CSMD1: variants seen among roughly 807,000 people sequenced by gnomAD.
CSMD1 encodes the protein CUB and Sushi multiple domains 1.
In CSMD1, 213 loss-of-function variants were observed where a neutral mutation model predicts 417.5. The observed-to-expected ratio is 0.51, with a 90% CI of 0.46 to 0.57. The LOEUF is 0.57. Among genes scored for constraint, CSMD1 ranks in the 20% least tolerant of loss-of-function variants. CSMD1 has a pLI of 0.00. For synonymous variants in CSMD1, 2,862 were observed against 1,736.8 expected, an observed-to-expected ratio of 1.65 and a Z score of -16.11; for missense variants, 6,923 against 4,529.7, an observed-to-expected ratio of 1.53 and a Z score of -15.17.
At chr8:3,128,172 G>C (rs938919134) in intron 41 of CSMD1, 9 of 152,028 alleles carry the variant, frequency 5.9e-5, no homozygotes, top group Non-Finnish European at 1.5e-5. Context: ...CCTTTGTTTA[G>C]ATCTGAAAAA....
intron 26 of CSMD1, among the ~76,000 whole-genome samples, chr8:3,268,287 C>CTTTTTTTTTTTTTTTTTTTT (rs1172040830): frequency 3.5e-5 from 4 of 114,652 alleles, no homozygotes; most frequent in African/African-American, 6.9e-5. Flanking sequence ...GGTTCATTTC[C>CTTTTTTTTTTTTTTTTTTTT]TATTTTTTTT....
At chr8:4,453,978 C>T (rs1360965399) in intron 2 of CSMD1, among the ~76,000 whole-genome samples, 10 of 151,588 alleles carry the variant, frequency 6.6e-5, no homozygotes, top group Non-Finnish European at 1.0e-4. Flanking sequence ...CCCGCCACCG[C>T]GCCCGGCTAA....
intron 6 of CSMD1, among the ~76,000 whole-genome samples, chr8:3,709,701 T>TTTTTTTTTTTTTTTTTTTTTTTTTC (rs1801395212): frequency 7.3e-6 from 1 of 136,352 alleles, no homozygotes; most frequent in African/African-American, 2.7e-5. Flanking sequence ...TTTTTTTTTT[T>TTTTTTTTTTTTTTTTTTTTTTTTTC]TTTTTTTTCC....
chr8:4,155,710 G>A (rs113148278), intron 3 of CSMD1, among the ~76,000 whole-genome samples: 17 of 152,080 alleles, frequency 1.1e-4, no homozygotes, highest in African/African-American at 3.6e-4. Flanking sequence ...GTTCTACTTC[G>A]TCAAATCACA....
At chr8:4,723,852 G>GT (rs146319779) in intron 1 of CSMD1, among the ~76,000 whole-genome samples, 2,465 of 150,852 alleles carry the variant, frequency 0.016, 67 homozygotes, top group African/African-American at 0.057. Context: ...ACCTTGTAAG[G>GT]TGTTCCCATT....
At chr8:3,744,194 T>G (rs1046802726) in intron 6 of CSMD1, among the ~76,000 whole-genome samples, 1 of 151,828 alleles carries the variant, frequency 6.6e-6, no homozygotes, top group East Asian at 1.9e-4. Flanking sequence ...GGAGTGGGAG[T>G]TGAGGACAGG....
intron 3 of CSMD1, among the ~76,000 whole-genome samples, chr8:4,401,353 G>C (rs563235201): frequency 5.3e-5 from 8 of 152,212 alleles, no homozygotes; most frequent in African/African-American, 1.9e-4. Flanking sequence ...CACACGTATT[G>C]TTATTACATT....
rs567840796 is a variant in CSMD1, at chr8:4,648,263, G to GT, written c.86-10706dup. On this transcript the variant is annotated intron_variant, in intron 1 of 69. Transcript: ENST00000635120. Reference sequence around the variant, plus strand: ...CCTTTGCCCACTTTTTGATGGGGTTGTTTTTTCTTGCTAATTTCTTGTAGT... The same window carrying GT: ...CCTTTGCCCACTTTTTGATGGGGTTGTTTTTTTCTTGCTAATTTCTTGTAGT... 3.4e-4 allele frequency among the ~76,000 whole-genome samples: 51 copies of GT among 152,232 alleles called. No individual in the cohort carries two copies. In the South Asian group the frequency reaches 0.01, roughly 31 times the overall value.
intron 8 of CSMD1, among the ~76,000 whole-genome samples, chr8:3,588,401 C>G (rs2449186): frequency 0.86 from 130,206 of 152,062 alleles, 56,071 homozygotes; most frequent in Non-Finnish European, 0.88. Context: ...GTTGGAATTT[C>G]AGTGTGGCCA....
intron 10 of CSMD1, among the ~76,000 whole-genome samples, chr8:3,498,957 T>C (rs948479659): frequency 6.6e-6 from 1 of 152,216 alleles, no homozygotes; most frequent in Non-Finnish European, 1.5e-5. Flanking sequence ...ATCTTTAACA[T>C]CATTATTTTA....
chr8:4,750,517 T>G (rs1811246861), intron 1 of CSMD1, among the ~76,000 whole-genome samples: 1 of 152,194 alleles, frequency 6.6e-6, no homozygotes. Flanking sequence ...ATTTTAATGT[T>G]AAGATTTTCC....
chr8:3,338,549 G>T (rs898976122), intron 23 of CSMD1, among the ~76,000 whole-genome samples: 1 of 152,158 alleles, frequency 6.6e-6, no homozygotes, highest in Admixed American at 6.5e-5. Flanking sequence ...AATTGTGAAT[G>T]TCCCTATTTC....
intron 1 of CSMD1, among the ~76,000 whole-genome samples, chr8:4,688,312 G>T (rs1186484882): frequency 6.6e-6 from 1 of 152,100 alleles, no homozygotes; most frequent in Admixed American, 6.6e-5. Context: ...AAAAGCATGG[G>T]CTTGGGATGC....
At chr8:3,241,300 A>G (rs1248850144) in intron 26 of CSMD1, among the ~76,000 whole-genome samples, 3 of 151,046 alleles carry the variant, frequency 2.0e-5, no homozygotes, top group Admixed American at 6.6e-5. Flanking sequence ...CTGGCCGTCA[A>G]TACCCACAAC....
chr8:3,872,975 G>C (rs1411272220), intron 5 of CSMD1, among the ~76,000 whole-genome samples: 2 of 151,994 alleles, frequency 1.3e-5, no homozygotes, highest in Non-Finnish European at 2.9e-5. Context: ...CTGATCATTA[G>C]AGAAACGCAA....
At chr8:3,650,373 C>T (rs1797791606) in intron 7 of CSMD1, among the ~76,000 whole-genome samples, 3 of 151,958 alleles carry the variant, frequency 2.0e-5, no homozygotes, top group Admixed American at 1.3e-4. Context: ...CATGTGTTAC[C>T]ATGCTTTAAT....
chr8:4,070,182 T>C (rs1799471302), intron 3 of CSMD1, among the ~76,000 whole-genome samples: 3 of 152,164 alleles, frequency 2.0e-5, no homozygotes, highest in African/African-American at 4.8e-5. Context: ...TAGAGGTGCA[T>C]TTACCAAACC....
chr8:3,444,663 G>T (rs1563396302), intron 12 of CSMD1, among the ~76,000 whole-genome samples: 1 of 152,040 alleles, frequency 6.6e-6, no homozygotes, highest in Non-Finnish European at 1.5e-5. Flanking sequence ...AGTATGCAGT[G>T]GAAATGGTGA....
chr8:4,535,390 C>T (rs978031340), intron 2 of CSMD1, among the ~76,000 whole-genome samples: 1 of 152,060 alleles, frequency 6.6e-6, no homozygotes, highest in Non-Finnish European at 1.5e-5. Context: ...ACTTTTGTAG[C>T]GTCTTCCAAG....
Sources: gnomAD v4.1 joint callset for allele counts (sites outside exome capture counted in the v4.1 genomes callset) on GRCh38, gnomAD v4.1.1 for gene constraint, MANE v1.5 for transcripts, NCBI Gene and HGNC (gene_info 2026-07-23, HGNC 2026-07-21) for gene names.